Variants in RAB6D observed in about 807,000 individuals in gnomAD.
RAB6D encodes ras-related protein Rab-6D.
Under a neutral mutation model 17.5 loss-of-function variants are expected in RAB6D, and 11 were observed. That is an observed-to-expected ratio of 0.63 (90% CI 0.39 to 1.04). The LOEUF is 1.04. RAB6D is among the 50% of genes least tolerant of loss of function. The pLI is 0.00. For synonymous variants in RAB6D, 68 were observed against 122.6 expected (o/e 0.55, Z 2.94); for missense variants, 163 against 315.1 (o/e 0.52, Z 3.65).
In RAB6D at chr2:131,363,308, A is replaced by G. The variant is rs763282063; in HGVS notation, c.413T>C (p.Ile138Thr). ...TDLADKRQVSIEEGERKAKGL... is the reference protein window; with the variant it reads ...TDLADKRQVSTEEGERKAKGL... ...TTTGGCTTTCCTCTCTCCCTCCTCAATTGACACTTGCCTCTTGTCAGCAAG... is the reference window on the plus strand; with the variant it reads ...TTTGGCTTTCCTCTCTCCCTCCTCAGTTGACACTTGCCTCTTGTCAGCAAG... Residue 138 changes from isoleucine to threonine, a missense_variant, in exon 1 of 1, where the codon ATT (isoleucine) becomes ACT (threonine). Physicochemically the swap from Ile to Thr is moderately conservative, Grantham distance 89. Around this residue, in one of 2 missense-constraint regions of RAB6D, gnomAD observed 144 missense variants for 244.4 expected, o/e 0.59. Coordinates refer to ENST00000623617, the MANE Select transcript of RAB6D (RefSeq NM_001077637.3). 1.3e-5 allele frequency: 21 copies of G among 1,613,976 alleles called. No homozygotes were observed. The highest frequency in any genetic ancestry group is 1.6e-4 in the Middle Eastern group (1 of 6,084).
chr2:131,363,078 A>G lies in RAB6D; in HGVS notation c.643T>C (p.Ser215Pro), dbSNP rs773936544. The G allele has an allele frequency of 1.2e-6, 2 of 1,607,540 alleles. No individual in the cohort carries two copies. Among genetic ancestry groups the G allele is most frequent in the Non-Finnish European group, 1.7e-6 (2 of 1,175,434 alleles). ...TAAGGGGGCTTCTGAGGAAGGGTTG[A>G]AGATGACATGGGAGAGTAGCAGGAA... ...GCSCYSPMSS[S>P]TLPQKPPYSF... The change falls in exon 1 of 1, where the codon TCA becomes CCA. Residue 215 changes from serine to proline, a missense_variant. Coordinates refer to ENST00000623617, the MANE Select transcript of RAB6D (RefSeq NM_001077637.3).
Position 131,363,904 on chromosome 2 carries a change from G to C in RAB6D, c.-184C>G, listed in dbSNP as rs2105215890. 9.1e-7 allele frequency: 1 copy of C among 1,095,724 alleles called. No individual in the cohort carries two copies. The highest frequency in any genetic ancestry group is 1.3e-6 in the Non-Finnish European group (1 of 776,542). 67.9% of individuals were successfully genotyped at this position (1,095,724 alleles called of 1,614,324 possible). A position where few individuals can be genotyped will look rare whatever the true frequency, so the allele number is the denominator to read the frequency against. On this transcript the variant is annotated 5_prime_UTR_variant, in exon 1 of 1. Coordinates refer to ENST00000623617, the MANE Select transcript of RAB6D (RefSeq NM_001077637.3). ...TCTCCACAGACTGGCAGCCGCCGCC[G>C]CCTCCCGGCAGAGTAGCCGAGCACC...
rs752751704 is a variant in RAB6D at position 131,363,500 on chromosome 2, C to A, written c.221G>T (p.Arg74Leu). The stretch of plus-strand genomic sequence containing the variant: ...GTACCTGGGAATGAGGCTACGGAGA[C>A]GTTCCTGACCCGCCGTATCCCACAG... ...LRLWDTAGQERLRSLIPRYIR... is the reference protein window; with the variant it reads ...LRLWDTAGQELLRSLIPRYIR... Residue 74 changes from arginine (R) to leucine (L), a missense_variant, in exon 1 of 1, where the codon CGT becomes CTT. Physicochemically the swap from Arg to Leu is moderately radical, Grantham distance 102. Coordinates refer to ENST00000623617, the MANE Select transcript of RAB6D (RefSeq NM_001077637.3). The A allele has an allele frequency of 1.9e-6, 3 of 1,567,320 alleles. No individual in the cohort carries two copies. The highest frequency in any genetic ancestry group is 8.6e-7 in the Non-Finnish European group (1 of 1,159,364).
chr2:131,362,808 T>C lies in RAB6D; in HGVS notation c.*148A>G, dbSNP rs1703439839. On this transcript the variant is annotated 3_prime_UTR_variant, in exon 1 of 1. Transcript: ENST00000623617. ...GAGATTTCCATCATTTTGAAGTACA[T>C]TATCATAACATTAAAAAAGAAAAAA... The C allele has an allele frequency of 9.6e-7, 1 of 1,043,010 alleles. No individual in the cohort carries two copies. The highest frequency in any genetic ancestry group is 1.8e-5 in the South Asian group (1 of 56,842). 64.6% of individuals were successfully genotyped at this position (1,043,010 alleles called of 1,614,324 possible).
chr2:131,362,849 T>C lies in RAB6D; in HGVS notation c.*107A>G. ...AAAGAAAAAAAATGTTAAGAAAATG[T>C]ATCTAATTTTTAAAGTTATCACTGG... On this transcript the variant is annotated 3_prime_UTR_variant, in exon 1 of 1. Transcript: ENST00000623617. 1 of 1,458,530 alleles carries C rather than the reference T, an allele frequency of 6.9e-7. No individual in the cohort carries two copies. The highest frequency in any genetic ancestry group is 2.4e-5 in the Admixed American group (1 of 42,288). The allele number at this position is 1,458,530 out of a possible 1,614,324, so 90.3% of individuals were successfully genotyped here. A position where few individuals can be genotyped will look rare whatever the true frequency, so the allele number is the denominator to read the frequency against.
Position 131,361,990 on chromosome 2 carries a change from AGTTTTTG to A in RAB6D, c.*959_*965del, listed in dbSNP as rs1398892809. 1 of 166,978 alleles carries A rather than the reference AGTTTTTG, an allele frequency of 6.0e-6. No homozygotes were observed. The highest frequency in any genetic ancestry group is 1.5e-5 in the Non-Finnish European group (1 of 68,116). The allele number at this position is 166,978 out of a possible 1,614,324, so 10.3% of individuals were successfully genotyped here. A position where few individuals can be genotyped will look rare whatever the true frequency, so the allele number is the denominator to read the frequency against. The stretch of plus-strand genomic sequence containing the variant: ...ATTTGACCTCAAATGTCCTGAGCAA[AGTTTTTG>A]CTCTTCTGCTGAGGGTTCTTTTGTT... On this transcript the variant is annotated 3_prime_UTR_variant, in exon 1 of 1. Transcript: ENST00000623617.
At position 131,362,126 on chromosome 2, in the gene RAB6D, G is replaced by C. The variant is rs1183639732; in HGVS notation, c.*830C>G. 6.0e-6 allele frequency: 1 copy of C among 166,974 alleles called. No homozygotes were observed. The highest frequency in any genetic ancestry group is 1.5e-5 in the Non-Finnish European group (1 of 68,116). The allele number at this position is 166,974 out of a possible 1,614,324, so 10.3% of individuals were successfully genotyped here. Reference sequence around the variant, plus strand: ...CTTCTGTAAGGAATTAAACTTTTATGGTGTCTTGCCTGCATAGTATTATTT... The same window carrying C: ...CTTCTGTAAGGAATTAAACTTTTATCGTGTCTTGCCTGCATAGTATTATTT... On this transcript the variant is annotated 3_prime_UTR_variant, in exon 1 of 1. Transcript: ENST00000623617.
At position 131,363,690 on chromosome 2, in the gene RAB6D, G is replaced by C. The variant is rs1192689105; in HGVS notation, c.31C>G (p.Leu11Val). 7.0e-7 allele frequency: 1 copy of C among 1,428,964 alleles called. No homozygotes were observed. Among genetic ancestry groups the C allele is most frequent in the Non-Finnish European group, 9.5e-7 (1 of 1,052,732 alleles). The allele number at this position is 1,428,964 out of a possible 1,614,324, so 88.5% of individuals were successfully genotyped here. A position where few individuals can be genotyped will look rare whatever the true frequency, so the allele number is the denominator to read the frequency against. MSAGGDFGNP[L>V]RKFKLVFLGE... ...AGGAACACCAGCTTGAATTTCCTCA[G>C]CGGATTCCCGAAGTCTCCGCCCGCG... The change falls in exon 1 of 1, where the codon CTG becomes GTG. Residue 11 changes from leucine (L) to valine (V), a missense_variant. By Grantham distance (32) the Leu-to-Val change is conservative. Around this residue, in one of 2 missense-constraint regions of RAB6D, gnomAD observed 19 missense variants for 70.6 expected, o/e 0.27. Coordinates refer to ENST00000623617, the MANE Select transcript of RAB6D (RefSeq NM_001077637.3).
At position 131,363,670 on chromosome 2, in the gene RAB6D, C is replaced by T; in HGVS notation, c.51G>A (p.Val17=). The T allele has an allele frequency of 1.4e-6, 2 of 1,432,308 alleles. No individual in the cohort carries two copies. The highest frequency in any genetic ancestry group is 1.9e-6 in the Non-Finnish European group (2 of 1,048,880). The allele number at this position is 1,432,308 out of a possible 1,614,324, so 88.7% of individuals were successfully genotyped here. The change falls in exon 1 of 1, where the codon GTG becomes GTA. Residue 17 remains valine (V), a synonymous_variant. Coordinates refer to ENST00000623617, the MANE Select transcript of RAB6D (RefSeq NM_001077637.3). ...TTGCAACGCTTTGCTCCCCCAGGAA[C>T]ACCAGCTTGAATTTCCTCAGCGGAT... The part of the protein sequence containing the change: ...FGNPLRKFKL[V]FLGEQSVAKT...
rs1235771143 is a variant in RAB6D at position 131,362,433 on chromosome 2, C to T, written c.*523G>A. Reference sequence around the variant, plus strand: ...TAAGTACTCAGTATGTTCTTTAGGACTCATTTTGAAGATGCACCAGGAGGC... The same window carrying T: ...TAAGTACTCAGTATGTTCTTTAGGATTCATTTTGAAGATGCACCAGGAGGC... On this transcript the variant is annotated 3_prime_UTR_variant, in exon 1 of 1. Transcript: ENST00000623617. The T allele has an allele frequency of 1.1e-5, 2 of 175,280 alleles. No homozygotes were observed. The highest frequency in any genetic ancestry group is 2.8e-5 in the Non-Finnish European group (2 of 72,620). 10.9% of individuals were successfully genotyped at this position (175,280 alleles called of 1,614,324 possible).
rs1007580529 is a variant in RAB6D, at chr2:131,361,940, A to C, written c.*1016T>G. The C allele has an allele frequency of 6.0e-6, 1 of 167,096 alleles. No homozygotes were observed. Among genetic ancestry groups the C allele is most frequent in the African/African-American group, 2.4e-5 (1 of 41,450 alleles). 10.4% of individuals were successfully genotyped at this position (167,096 alleles called of 1,614,324 possible). On this transcript the variant is annotated 3_prime_UTR_variant, in exon 1 of 1. Coordinates refer to ENST00000623617, the MANE Select transcript of RAB6D (RefSeq NM_001077637.3). Reference sequence around the variant, plus strand: ...GATCTGCCTCTAGGGGCTTACAAGAAAATGGTTTCCGGTTTCCATCTTCAA... The same window carrying C: ...GATCTGCCTCTAGGGGCTTACAAGACAATGGTTTCCGGTTTCCATCTTCAA...
At position 131,363,638 on chromosome 2, in the gene RAB6D, G is replaced by T. The variant is rs755662047; in HGVS notation, c.83C>A (p.Ser28Tyr). Residue 28 changes from serine to tyrosine, a missense_variant, in exon 1 of 1, where the codon TCT becomes TAT. Transcript: ENST00000623617. Reference protein sequence around the residue: ...FLGEQSVAKTSLITRFRYDSF... With the variant: ...FLGEQSVAKTYLITRFRYDSF... ...GTCATACCTGAATCTGGTGATCAAA[G>T]ATGTCTTTGCAACGCTTTGCTCCCC... is the stretch of plus-strand genomic sequence containing the variant. The T allele has an allele frequency of 6.9e-7, 1 of 1,444,854 alleles. No individual in the cohort carries two copies. The highest frequency in any genetic ancestry group is 9.6e-7 in the Non-Finnish European group (1 of 1,043,662). 89.5% of individuals were successfully genotyped at this position (1,444,854 alleles called of 1,614,324 possible).
chr2:131,364,065 G>T lies in RAB6D; in HGVS notation c.-345C>A. The T allele has an allele frequency of 3.0e-6, 1 of 330,870 alleles. No homozygotes were observed. The highest frequency in any genetic ancestry group is 5.8e-6 in the Non-Finnish European group (1 of 171,498). The allele number at this position is 330,870 out of a possible 1,614,324, so 20.5% of individuals were successfully genotyped here. A position where few individuals can be genotyped will look rare whatever the true frequency, so the allele number is the denominator to read the frequency against. ...GACCTGCGGGAGAAAGGCGGAGGGT[G>T]GCGGAGCCGGAACCGCAGACGTATC... On this transcript the variant is annotated 5_prime_UTR_variant, in exon 1 of 1. Coordinates refer to ENST00000623617, the MANE Select transcript of RAB6D (RefSeq NM_001077637.3).
At position 131,360,743 on chromosome 2, in the gene RAB6D, T is replaced by C. The variant is rs1703415149; in HGVS notation, c.*2213A>G. ...CTAATATTGGTAATCAGGGAAATGC[T>C]ATTAAACATAGCATAGCATTGTGTG... On this transcript the variant is annotated 3_prime_UTR_variant, in exon 1 of 1. Transcript: ENST00000623617. Among the ~76,000 whole-genome samples, 1 of 152,190 alleles carries C rather than the reference T, an allele frequency of 6.6e-6. No individual in the cohort carries two copies. The highest frequency in any genetic ancestry group is 1.5e-5 in the Non-Finnish European group (1 of 68,020).
Position 131,363,909 on chromosome 2 carries a change from C to G in RAB6D, c.-189G>C, listed in dbSNP as rs1703465646. On this transcript the variant is annotated 5_prime_UTR_variant, in exon 1 of 1. Coordinates refer to ENST00000623617, the MANE Select transcript of RAB6D (RefSeq NM_001077637.3). ...ACAGACTGGCAGCCGCCGCCGCCTC[C>G]CGGCAGAGTAGCCGAGCACCGAGCG... 2 of 1,053,606 alleles carry G rather than the reference C, an allele frequency of 1.9e-6. No homozygotes were observed. The highest frequency in any genetic ancestry group is 2.7e-6 in the Non-Finnish European group (2 of 738,174). 65.3% of individuals were successfully genotyped at this position (1,053,606 alleles called of 1,614,324 possible).
In RAB6D at chr2:131,363,296, TCTCC is replaced by T. The variant is rs1316535936; in HGVS notation, c.421_424del (p.Gly141ArgfsTer7). 1 of 1,613,972 alleles carries T rather than the reference TCTCC, an allele frequency of 6.2e-7. No individual in the cohort carries two copies. Among genetic ancestry groups the T allele is most frequent in the African/African-American group, 1.3e-5 (1 of 74,834 alleles). ...AACATTCAGCCCTTTGGCTTTCCTC[TCTCC>T]CTCCTCAATTGACACTTGCCTCTTG... On this transcript the variant is annotated frameshift_variant, in exon 1 of 1. Coordinates refer to ENST00000623617, the MANE Select transcript of RAB6D (RefSeq NM_001077637.3). LOFTEE classifies it high-confidence loss of function.
At position 131,363,327 on chromosome 2, in the gene RAB6D, C is replaced by T; in HGVS notation, c.394G>A (p.Asp132Asn). ...TCCTCAATTGACACTTGCCTCTTGTCAGCAAGATCTGTTTTATTTCCTACT... is the reference window on the plus strand; with the variant it reads ...TCCTCAATTGACACTTGCCTCTTGTTAGCAAGATCTGTTTTATTTCCTACT... ...TLVGNKTDLA[D>N]KRQVSIEEGE... Residue 132 changes from aspartate to asparagine, a missense_variant, in exon 1 of 1, where the codon GAC becomes AAC. Asp to Asn is a conservative substitution (Grantham distance 23). This residue lies in a region of RAB6D where 144 missense variants were observed against 244.4 expected (regional missense o/e 0.59). Coordinates refer to ENST00000623617, the MANE Select transcript of RAB6D (RefSeq NM_001077637.3). 1 of 1,614,154 alleles carries T rather than the reference C, an allele frequency of 6.2e-7. No individual in the cohort carries two copies. Among genetic ancestry groups the T allele is most frequent in the Non-Finnish European group, 8.5e-7 (1 of 1,180,052 alleles).
Position 131,364,115 on chromosome 2 carries a change from C to CGGCTTCCCCAGCCGCCGCCGCCTG in RAB6D, c.-396_-395insCAGGCGGCGGCGGCTGGGGAAGCC, listed in dbSNP as rs1703471348. The CGGCTTCCCCAGCCGCCGCCGCCTG allele has an allele frequency of 4.1e-6, 1 of 246,612 alleles. No individual in the cohort carries two copies. The highest frequency in any genetic ancestry group is 8.4e-6 in the Non-Finnish European group (1 of 119,376). The allele number at this position is 246,612 out of a possible 1,614,324, so 15.3% of individuals were successfully genotyped here. On this transcript the variant is annotated 5_prime_UTR_variant, in exon 1 of 1. Transcript: ENST00000623617. ...CTGGGATCTCTCACGCGCGGCGCTT[C>CGGCTTCCCCAGCCGCCGCCGCCTG]GGCTTCCCCAGCCGCCGCCGCCGCA...
rs1368973394 is a variant in RAB6D at position 131,363,865 on chromosome 2, G to C, written c.-145C>G. On this transcript the variant is annotated 5_prime_UTR_variant, in exon 1 of 1. Transcript: ENST00000623617. ...AAGGGCCGGTGGAGGAGCCCGGCTG[G>C]AGGGCAGCAGGACTCTCCACAGACT... 1 of 1,345,656 alleles carries C rather than the reference G, an allele frequency of 7.4e-7. No homozygotes were observed. The allele number at this position is 1,345,656 out of a possible 1,614,324, so 83.4% of individuals were successfully genotyped here. A position where few individuals can be genotyped will look rare whatever the true frequency, so the allele number is the denominator to read the frequency against.
Sources: allele counts gnomAD v4.1 joint callset (sites outside exome capture counted in the v4.1 genomes callset), GRCh38; gene constraint gnomAD v4.1.1; regional missense constraint gnomAD v4.1.1; transcripts MANE v1.5; gene names NCBI Gene and HGNC (gene_info 2026-07-23, HGNC 2026-07-21).